TMEM135: variants seen among roughly 807,000 people sequenced by gnomAD.
TMEM135 encodes transmembrane protein 135, also known as peroxisomal membrane protein 52.
Under a neutral mutation model 60.3 loss-of-function variants are expected in TMEM135, and 30 were observed. That is an observed-to-expected ratio of 0.50 (90% CI 0.37 to 0.68). TMEM135 has a LOEUF of 0.68. TMEM135 is among the 30% of genes least tolerant of loss of function. The pLI, the probability that TMEM135 is intolerant of heterozygous loss-of-function variation, is 0.00. For missense variants in TMEM135, 468 were observed against 548.8 expected, an observed-to-expected ratio of 0.85 and a Z score of 1.47; for synonymous variants, 190 against 186.7, an observed-to-expected ratio of 1.02 and a Z score of -0.14.
chr11:87,066,937 C>T (rs965205314), intron 1 of TMEM135, among the ~76,000 whole-genome samples: 65 of 151,336 alleles, frequency 4.3e-4, no homozygotes, highest in African/African-American at 1.5e-3. Flanking sequence ...CCCACCACCA[C>T]GCCCGTCTCA....
intron 4 of TMEM135, among the ~76,000 whole-genome samples, chr11:87,123,871 A>G (rs961841598): frequency 7.9e-5 from 12 of 152,224 alleles, no homozygotes; most frequent in African/African-American, 2.7e-4. Context: ...TATAAAGCAC[A>G]TATTATCAGT....
chr11:87,318,713 G>T (rs1046665579), intron 13 of TMEM135, among the ~76,000 whole-genome samples: 3 of 151,962 alleles, frequency 2.0e-5, no homozygotes, highest in East Asian at 3.8e-4. Flanking sequence ...CGGTGTTAGG[G>T]CTGTTGTAAA....
intron 6 of TMEM135, among the ~76,000 whole-genome samples, chr11:87,264,654 T>G (rs1941716387): frequency 6.6e-6 from 1 of 151,922 alleles, no homozygotes; most frequent in African/African-American, 2.4e-5. Context: ...TTCAGCTGTT[T>G]AATCTCTACA....
At chr11:87,218,591 CT>C (rs903369979) in intron 5 of TMEM135, among the ~76,000 whole-genome samples, 17 of 152,124 alleles carry the variant, frequency 1.1e-4, no homozygotes, top group African/African-American at 3.6e-4. Flanking sequence ...CCTAAATCCC[CT>C]TTTCTGTCAC....
chr11:87,150,098 T>G (rs116924768), intron 4 of TMEM135, among the ~76,000 whole-genome samples: 1 of 151,478 alleles, frequency 6.6e-6, no homozygotes, highest in Non-Finnish European at 1.5e-5. Context: ...ATGCCTGTAA[T>G]TTGAGCTACT....
chr11:87,228,913 C>CTACT (rs1940826553), intron 5 of TMEM135, among the ~76,000 whole-genome samples: 1 of 151,990 alleles, frequency 6.6e-6, no homozygotes, highest in Admixed American at 6.6e-5. Context: ...TGTTTCTTTG[C>CTACT]TACTGCTTGT....
chr11:87,289,878 C>T (rs1026280270), intron 6 of TMEM135, among the ~76,000 whole-genome samples: 9 of 152,160 alleles, frequency 5.9e-5, no homozygotes, highest in African/African-American at 2.2e-4. Context: ...TGAGAACATG[C>T]AGCGTTTAAC....
intron 6 of TMEM135, among the ~76,000 whole-genome samples, chr11:87,260,555 T>A (rs1354362678): frequency 2.0e-5 from 3 of 152,128 alleles, no homozygotes; most frequent in African/African-American, 7.2e-5. Flanking sequence ...TTGTATTACA[T>A]CCCTTTTAAT....
At chr11:87,243,246 G>A (rs1393609791) in intron 6 of TMEM135, among the ~76,000 whole-genome samples, 2 of 135,738 alleles carry the variant, frequency 1.5e-5, no homozygotes, top group East Asian at 4.0e-4. Context: ...TGCTGTTTTG[G>A]TTACTGTAGC....
chr11:87,062,196 G>T (rs1590988629), intron 1 of TMEM135, among the ~76,000 whole-genome samples: 2 of 151,680 alleles, frequency 1.3e-5, no homozygotes, highest in African/African-American at 2.4e-5. Flanking sequence ...AGTAGAGATG[G>T]TATTTCATCA....
chr11:87,236,580 C>A, intron 5 of TMEM135, 58 bp from the exon 6 acceptor site: 3 of 1,489,870 alleles, frequency 2.0e-6, no homozygotes, highest in South Asian at 2.3e-5. Context: ...TTTTATGAGT[C>A]ACTCAAATGG....
chr11:87,136,399 T>A (rs769020989), intron 4 of TMEM135, among the ~76,000 whole-genome samples: 1 of 152,082 alleles, frequency 6.6e-6, no homozygotes, highest in Non-Finnish European at 1.5e-5. Context: ...GGATTCAGTG[T>A]GCTCAGATTT....
intron 5 of TMEM135, among the ~76,000 whole-genome samples, chr11:87,164,096 G>C (rs1355276996): frequency 2.0e-4 from 25 of 127,402 alleles, no homozygotes; most frequent in Non-Finnish European, 3.9e-4. Flanking sequence ...TGGTGTTTTA[G>C]ACATGAAGTC....
At chr11:87,279,598 C>T (rs1942024375) in intron 6 of TMEM135, among the ~76,000 whole-genome samples, 1 of 152,212 alleles carries the variant, frequency 6.6e-6, no homozygotes. Context: ...TCGCTTTTAA[C>T]TCTACTGCCT....
Position 87,038,242 on chromosome 11 carries a change from GC to G in TMEM135, c.141+57del, listed in dbSNP as rs1046673816. ...GTTTAGTCTGGAAGATGGGCCGGGGGCTGCAGTTGGTGCTCCCGAGGGGCTC... is the reference window on the plus strand; with the variant it reads ...GTTTAGTCTGGAAGATGGGCCGGGGGTGCAGTTGGTGCTCCCGAGGGGCTC... On this transcript the variant is annotated intron_variant, in intron 1 of 14. Coordinates refer to ENST00000305494, the MANE Select transcript of TMEM135 (RefSeq NM_022918.4). 8 of 1,611,262 alleles carry G rather than the reference GC, an allele frequency of 5.0e-6. No homozygotes were observed. The African/African-American group carries it at 1.1e-4, about 22-fold the overall frequency.
Position 87,313,456 on chromosome 11 carries a change from A to G in TMEM135, c.968A>G (p.Asn323Ser), listed in dbSNP as rs1942675021. Residue 323 changes from asparagine (N) to serine (S), a missense_variant, in exon 11 of 15, where the codon AAC becomes AGC. Asn to Ser is a conservative substitution (Grantham distance 46). Transcript: ENST00000305494. Reference protein sequence around the residue: ...GTSCFLRWIRNLDDELHAIIA... With the variant: ...GTSCFLRWIRSLDDELHAIIA... ...AGTTGCTTCCTGCGCTGGATCAGAA[A>G]CTTAGATGATGAACTACATGCTATT... The G allele has an allele frequency of 6.2e-7, 1 of 1,611,252 alleles. No homozygotes were observed.
At chr11:87,303,258 C>A (rs369057398) in intron 8 of TMEM135, among the ~76,000 whole-genome samples, 1 of 152,054 alleles carries the variant, frequency 6.6e-6, no homozygotes, top group Non-Finnish European at 1.5e-5. Flanking sequence ...TTGTGAACTG[C>A]GCGTACAAGG....
intron 5 of TMEM135, among the ~76,000 whole-genome samples, chr11:87,212,158 T>C (rs1195674462): frequency 6.6e-6 from 1 of 152,142 alleles, no homozygotes; most frequent in African/African-American, 2.4e-5. Context: ...TGTTACCAGG[T>C]AGTACAATTA....
At chr11:87,063,076 C>T (rs923898290) in intron 1 of TMEM135, among the ~76,000 whole-genome samples, 1 of 152,076 alleles carries the variant, frequency 6.6e-6, no homozygotes, top group African/African-American at 2.4e-5. Context: ...AAGTCTGGAA[C>T]GTATCCAAAA....
Sources: allele counts gnomAD v4.1 joint callset (sites outside exome capture counted in the v4.1 genomes callset), GRCh38; gene constraint gnomAD v4.1.1; transcripts MANE v1.5; gene names NCBI Gene and HGNC (gene_info 2026-07-23, HGNC 2026-07-21).